Variants in RP1L1 observed in about 807,000 individuals in gnomAD.
RP1L1 encodes the protein RP1 like 1.
In RP1L1, 27 loss-of-function variants were observed where a neutral mutation model predicts 15.7. The ratio of observed to expected loss-of-function variants is 1.72; its 90% CI spans 1.27 to 2.38. The LOEUF (loss-of-function observed/expected upper bound fraction) is 2.38. RP1L1 is among the 30% of genes most tolerant of loss of function. The probability of loss-of-function intolerance (pLI) is 0.00; values close to 1 mark genes in which losing one functional copy is unlikely to be tolerated. For missense variants in RP1L1, 4,798 were observed against 3,075.9 expected, an observed-to-expected ratio of 1.56 and a Z score of -13.24; for synonymous variants, 1,813 against 1,276.7, an observed-to-expected ratio of 1.42 and a Z score of -8.96.
intron 3 of RP1L1, among the ~76,000 whole-genome samples, chr8:10,613,985 T>A (rs187158976): frequency 6.6e-6 from 1 of 152,210 alleles, no homozygotes; most frequent in East Asian, 1.9e-4. Flanking sequence ...ATAATAATAT[T>A]GATTGGTTCG....
chr8:10,638,400 A>C (rs1798361256), intron 1 of RP1L1, among the ~76,000 whole-genome samples: 2 of 152,134 alleles, frequency 1.3e-5, no homozygotes, highest in African/African-American at 4.8e-5. Context: ...CATGTGGGGA[A>C]AAAAAATCAA....
Position 10,610,141 on chromosome 8 carries a change from C to T in RP1L1, c.3957G>A (p.Ala1319=), listed in dbSNP as rs573452545. ...GTEGEGLQEE[A]VQLEETKTEE... ...CTGTTTTAGTTTCCTCTAACTGCAC[C>T]GCCTCTTCTTGCAGCCCTTCTCCTT... The change falls in exon 4 of 4, where the codon GCG becomes GCA. Residue 1319 remains alanine (A), a synonymous_variant. Transcript: ENST00000382483. 4.0e-6 allele frequency: 6 copies of T among 1,513,530 alleles called. No homozygotes were observed. Among genetic ancestry groups the T allele is most frequent in the Admixed American group, 1.9e-5 (1 of 52,438 alleles). The allele number at this position is 1,513,530 out of a possible 1,614,324, so 93.8% of individuals were successfully genotyped here.
rs1409852774 is a variant in RP1L1, at chr8:10,608,194, C to G, written c.5904G>C (p.Glu1968Asp). The G allele has an allele frequency of 1.3e-6, 2 of 1,599,672 alleles. No individual in the cohort carries two copies. Among genetic ancestry groups the G allele is most frequent in the Admixed American group, 3.4e-5 (2 of 59,132 alleles). Residue 1968 changes from glutamate (E) to aspartate (D), a missense_variant, in exon 4 of 4, where the codon GAG (glutamate) becomes GAC (aspartate). Coordinates refer to ENST00000382483, the MANE Select transcript of RP1L1 (RefSeq NM_178857.6). ...SEVIESQEAEEEAQPESEDVE... is the reference protein window; with the variant it reads ...SEVIESQEAEDEAQPESEDVE... ...CATCTTCTGACTCTGGCTGGGCTTC[C>G]TCTTCTGCCTCCTGGGACTCTATAA...
In RP1L1 at chr8:10,609,813, C is replaced by T; in HGVS notation, c.4285G>A (p.Glu1429Lys). The stretch of plus-strand genomic sequence containing the variant: ...GCAGAGGCTCTTCCTGCTTCCTCCT[C>T]CTGGACTGGGTCATCTTCCTGGGAG... ...KGSQEDDPVQ[E>K]EEAGRASASA... Residue 1429 changes from glutamate to lysine, a missense_variant, in exon 4 of 4, where the codon GAG (glutamate) becomes AAG (lysine). Glu to Lys is a moderately conservative substitution (Grantham distance 56). Coordinates refer to ENST00000382483, the MANE Select transcript of RP1L1 (RefSeq NM_178857.6). 2 of 1,614,112 alleles carry T rather than the reference C, an allele frequency of 1.2e-6. No individual in the cohort carries two copies. The highest frequency in any genetic ancestry group is 2.7e-5 in the African/African-American group (2 of 75,030).
Position 10,612,750 on chromosome 8 carries a change from G to C in RP1L1, c.1348C>G (p.Gln450Glu). ...HGTAGRERCS[Q>E]DSASPASSTG... ...CTGGAGGCTGGGCTGGCACTGTCCT[G>C]GCTGCATCTCTCCCTCCCGGCAGTC... Residue 450 changes from glutamine (Q) to glutamate (E), a missense_variant, in exon 4 of 4, where the codon CAG (glutamine) becomes GAG (glutamate). Transcript: ENST00000382483. 6.2e-7 allele frequency: 1 copy of C among 1,608,268 alleles called. No homozygotes were observed. Among genetic ancestry groups the C allele is most frequent in the South Asian group, 1.1e-5 (1 of 91,070 alleles).
chr8:10,654,426 G>T (rs1798608306), intron 1 of RP1L1, among the ~76,000 whole-genome samples: 1 of 152,010 alleles, frequency 6.6e-6, no homozygotes, highest in South Asian at 2.1e-4. Context: ...GATTCTTGAA[G>T]TCTCGGTCCT....
intron 2 of RP1L1, among the ~76,000 whole-genome samples, chr8:10,618,040 T>C (rs1797999048): frequency 6.6e-6 from 1 of 152,172 alleles, no homozygotes; most frequent in Non-Finnish European, 1.5e-5. Flanking sequence ...CATTACGTTG[T>C]AATTAGCAAT....
Position 10,622,708 on chromosome 8 carries a change from T to G in RP1L1, c.494A>C (p.Gln165Pro), listed in dbSNP as rs529159834. 1 of 1,614,162 alleles carries G rather than the reference T, an allele frequency of 6.2e-7. No homozygotes were observed. Among genetic ancestry groups the G allele is most frequent in the African/African-American group, 1.3e-5 (1 of 75,046 alleles). Residue 165 changes from glutamine (Q) to proline (P), a missense_variant, in exon 2 of 4, where the codon CAG becomes CCG. Gln to Pro is a moderately conservative substitution (Grantham distance 76). Transcript: ENST00000382483. ...LLIKNMDPRL[Q>P]QTVVLSHRNT... ...CCTGTGACTGAGAACCACTGTCTGC[T>G]GGAGGCGAGGGTCCATGTTCTTAAT...
chr8:10,642,800 T>C (rs1798425924), intron 1 of RP1L1, among the ~76,000 whole-genome samples: 1 of 152,146 alleles, frequency 6.6e-6, no homozygotes, highest in East Asian at 1.9e-4. Context: ...GAGCAGAGAA[T>C]GTGTGGATTT....
At position 10,609,794 on chromosome 8, in the gene RP1L1, G is replaced by A. The variant is rs749501802; in HGVS notation, c.4304C>T (p.Ala1435Val). ...GGGGCACGGCTCTGCAGAGGCAGAG[G>A]CTCTTCCTGCTTCCTCCTCCTGGAC... ...DPVQEEEAGR[A>V]SASAEPCPAE... is the part of the protein sequence containing the mutation. The change falls in exon 4 of 4, where the codon GCC becomes GTC. Residue 1435 changes from alanine to valine, a missense_variant. Transcript: ENST00000382483. 6.2e-7 allele frequency: 1 copy of A among 1,614,054 alleles called. No individual in the cohort carries two copies. Among genetic ancestry groups the A allele is most frequent in the Non-Finnish European group, 8.5e-7 (1 of 1,180,016 alleles).
intron 1 of RP1L1, among the ~76,000 whole-genome samples, chr8:10,651,221 G>A (rs991283984): frequency 1.3e-5 from 2 of 152,126 alleles, no homozygotes; most frequent in East Asian, 1.9e-4. Flanking sequence ...GCCTGGGAAC[G>A]TCTTACAAAT....
chr8:10,631,304 T>G (rs1335063389), intron 1 of RP1L1, among the ~76,000 whole-genome samples: 2 of 84,050 alleles, frequency 2.4e-5, no homozygotes, highest in East Asian at 1.8e-3. Context: ...CAAACACGCA[T>G]GCACACACAC....
chr8:10,612,070 G>C lies in RP1L1; in HGVS notation c.2028C>G (p.Ser676Arg), dbSNP rs200474804. The change falls in exon 4 of 4, where the codon AGC becomes AGG. Residue 676 changes from serine to arginine, a missense_variant. Physicochemically the swap from Ser to Arg is moderately radical, Grantham distance 110 (BLOSUM62 -1). Transcript: ENST00000382483. ...GCTTGGTTACAGAGGAGTCCAGTGGGCTGTGGGTGTCCTTGCGGTAGTGAG... is the reference window on the plus strand; with the variant it reads ...GCTTGGTTACAGAGGAGTCCAGTGGCCTGTGGGTGTCCTTGCGGTAGTGAG... Reference protein sequence around the residue: ...RHSHYRKDTHSPLDSSVTKQV... With the variant: ...RHSHYRKDTHRPLDSSVTKQV... 56 of 1,613,876 alleles carry C rather than the reference G, an allele frequency of 3.5e-5. No individual in the cohort carries two copies. In the Admixed American group the frequency reaches 4.5e-4, roughly 13 times the overall value.
In RP1L1 at chr8:10,610,755, C is replaced by A; in HGVS notation, c.3343G>T (p.Ala1115Ser). The change falls in exon 4 of 4, where the codon GCC (alanine) becomes TCC (serine). Residue 1115 changes from alanine (A) to serine (S), a missense_variant. Ala to Ser is a moderately conservative substitution (Grantham distance 99). Coordinates refer to ENST00000382483, the MANE Select transcript of RP1L1 (RefSeq NM_178857.6). ...RPMARRLSCS[A>S]GALITCLASL... ...GCCAGACAAGTAATGAGGGCCCCGG[C>A]TGAGCAGCTGAGCCTCCTGGCCATG... 6.2e-7 allele frequency: 1 copy of A among 1,613,386 alleles called. No individual in the cohort carries two copies. The highest frequency in any genetic ancestry group is 8.5e-7 in the Non-Finnish European group (1 of 1,180,012).
chr8:10,654,983 C>A lies in RP1L1; in HGVS notation c.-105G>T, dbSNP rs953513876. ...GAGGAAAGTCAGGCCAGGGGGAACA[C>A]CGCCTCCTTCCCTGCCAGTGGCTCA... On this transcript the variant is annotated 5_prime_UTR_variant, in exon 1 of 4. Coordinates refer to ENST00000382483, the MANE Select transcript of RP1L1 (RefSeq NM_178857.6). 1 of 152,946 alleles carries A rather than the reference C, an allele frequency of 6.5e-6. No individual in the cohort carries two copies. The highest frequency in any genetic ancestry group is 2.4e-5 in the African/African-American group (1 of 41,480). The allele number at this position is 152,946 out of a possible 1,614,324, so 9.5% of individuals were successfully genotyped here. A position where few individuals can be genotyped will look rare whatever the true frequency, so the allele number is the denominator to read the frequency against.
rs1378863214 is a variant in RP1L1 at position 10,611,656 on chromosome 8, C to T, written c.2442G>A (p.Glu814=). The change falls in exon 4 of 4, where the codon GAG becomes GAA. Residue 814 remains glutamate (E), a synonymous_variant. Transcript: ENST00000382483. ...TTCGGTGGGGGCCCACCGCCCCTTG[C>T]TCAGGCCGTCCAACCTGCAGAACCA... The part of the protein sequence containing the change: ...SPLVLQVGRP[E]QGAVGPHRSH... 1 of 1,613,042 alleles carries T rather than the reference C, an allele frequency of 6.2e-7. No homozygotes were observed. Among genetic ancestry groups the T allele is most frequent in the African/African-American group, 1.3e-5 (1 of 74,924 alleles).
intron 1 of RP1L1, among the ~76,000 whole-genome samples, chr8:10,624,067 T>G (rs1053336465): frequency 6.6e-6 from 1 of 152,226 alleles, no homozygotes; most frequent in Non-Finnish European, 1.5e-5. Flanking sequence ...CAGTATGACC[T>G]TATCTTGCAG....
At chr8:10,625,878 G>C (rs1798148935) in intron 1 of RP1L1, among the ~76,000 whole-genome samples, 1 of 152,062 alleles carries the variant, frequency 6.6e-6, no homozygotes, top group Non-Finnish European at 1.5e-5. Context: ...GCCAGGGGAG[G>C]CTGAGTCAGT....
chr8:10,619,638 G>A (rs1217033259), intron 2 of RP1L1, among the ~76,000 whole-genome samples: 5 of 151,970 alleles, frequency 3.3e-5, no homozygotes, highest in African/African-American at 9.7e-5. Context: ...TTAAGATGCC[G>A]AGAGAGGGCT....
Sources: gnomAD v4.1 joint callset for allele counts (sites outside exome capture counted in the v4.1 genomes callset) on GRCh38, gnomAD v4.1.1 for gene constraint, MANE v1.5 for transcripts, NCBI Gene and HGNC (gene_info 2026-07-23, HGNC 2026-07-21) for gene names.